The following OR51G2 variants were observed in gnomAD, a reference collection of about 807,000 sequenced individuals.
OR51G2 encodes the protein olfactory receptor 51G2.
Under a neutral mutation model 11.8 loss-of-function variants are expected in OR51G2, and 13 were observed. The ratio of observed to expected loss-of-function variants is 1.10; its 90% CI spans 0.72 to 1.76. OR51G2 has a LOEUF of 1.76. OR51G2 is among the 40% of genes most tolerant of loss of function. OR51G2 has a pLI of 0.00. For missense variants in OR51G2, 474 were observed against 394.4 expected, an observed-to-expected ratio of 1.20 and a Z score of -1.71; for synonymous variants, 178 against 151.9, an observed-to-expected ratio of 1.17 and a Z score of -1.26.
rs780419885 is a variant in OR51G2 at position 4,915,581 on chromosome 11, A to C, written c.83T>G (p.Met28Arg). 29 of 1,613,974 alleles carry C rather than the reference A, an allele frequency of 1.8e-5. No homozygotes were observed. Among genetic ancestry groups the C allele is most frequent in the Non-Finnish European group, 2.3e-5 (27 of 1,179,996 alleles). The change falls in exon 2 of 2, where the codon ATG becomes AGG. Residue 28 changes from methionine to arginine, a missense_variant. Met to Arg is a moderately conservative substitution (Grantham distance 91). Coordinates refer to ENST00000641926, the MANE Select transcript of OR51G2 (RefSeq NM_001005238.2). ...CAGTGGGATGGAGATCCAGATGTGC[A>C]TGCGCTCCAGCCCAGGGATGCCACT... ...LLSGIPGLER[M>R]HIWISIPLCF...
chr11:4,913,698 A>T lies in OR51G2; in HGVS notation c.*1021T>A, dbSNP rs1361798347. The T allele has an allele frequency of 6.6e-6, 1 of 152,174 alleles. No individual in the cohort carries two copies. The highest frequency in any genetic ancestry group is 1.5e-5 in the Non-Finnish European group (1 of 68,038). 9.4% of individuals were successfully genotyped at this position (152,174 alleles called of 1,614,324 possible). A position where few individuals can be genotyped will look rare whatever the true frequency, so the allele number is the denominator to read the frequency against. On this transcript the variant is annotated 3_prime_UTR_variant, in exon 2 of 2. Coordinates refer to ENST00000641926, the MANE Select transcript of OR51G2 (RefSeq NM_001005238.2). The stretch of plus-strand genomic sequence containing the variant: ...ACCTCATTTTTCTTAAACCTTCCTG[A>T]CATTCTAGAGAATAAAAATGGCAAC...
Position 4,913,377 on chromosome 11 carries a change from C to T in OR51G2, c.*1342G>A, listed in dbSNP as rs1851021886. The stretch of plus-strand genomic sequence containing the variant: ...GTAGAAGACATTGTGTTCAGCCACA[C>T]CCTTTCTTAATCTGCACTAAAACCA... On this transcript the variant is annotated 3_prime_UTR_variant, in exon 2 of 2. Transcript: ENST00000641926. The T allele has an allele frequency of 6.6e-6, 1 of 152,168 alleles. No individual in the cohort carries two copies. Among genetic ancestry groups the T allele is most frequent in the Non-Finnish European group, 1.5e-5 (1 of 68,046 alleles). The allele number at this position is 152,168 out of a possible 1,614,324, so 9.4% of individuals were successfully genotyped here.
chr11:4,916,777 T>A (rs1851100048), intron 1 of OR51G2, among the ~76,000 whole-genome samples: 1 of 152,148 alleles, frequency 6.6e-6, no homozygotes. Context: ...CTCCTGTCAA[T>A]CAGTAACCAG....
chr11:4,918,549 G>C (rs1851132896), intron 1 of OR51G2, among the ~76,000 whole-genome samples: 1 of 152,104 alleles, frequency 6.6e-6, no homozygotes, highest in Non-Finnish European at 1.5e-5. Flanking sequence ...CCTTTAGCCA[G>C]TTCGCCAGAG....
In OR51G2 at chr11:4,914,570, AGTGAG is replaced by A; in HGVS notation, c.*144_*148del. 1 of 614,822 alleles carries A rather than the reference AGTGAG, an allele frequency of 1.6e-6. No homozygotes were observed. The highest frequency in any genetic ancestry group is 2.8e-5 in the East Asian group (1 of 36,100). The allele number at this position is 614,822 out of a possible 1,614,324, so 38.1% of individuals were successfully genotyped here. Reference sequence around the variant, plus strand: ...CCCCCCCCTGCCCTGGCCACAACAGAGTGAGGGTTCTGTAAGGACTGTAACTCATC... The same window carrying A: ...CCCCCCCCTGCCCTGGCCACAACAGAGGTTCTGTAAGGACTGTAACTCATC... On this transcript the variant is annotated 3_prime_UTR_variant, in exon 2 of 2. Coordinates refer to ENST00000641926, the MANE Select transcript of OR51G2 (RefSeq NM_001005238.2).
rs1851147184 is a variant in OR51G2, at chr11:4,919,325, T to A, written c.-225A>T. 1 of 152,216 alleles carries A rather than the reference T, an allele frequency of 6.6e-6. No homozygotes were observed. The highest frequency in any genetic ancestry group is 2.4e-5 in the African/African-American group (1 of 41,448). 9.4% of individuals were successfully genotyped at this position (152,216 alleles called of 1,614,324 possible). ...CTGGCTACTATATGAACTCCTCGCATACCAAGGCTAAAAATAAAGGCCATG... is the reference window on the plus strand; with the variant it reads ...CTGGCTACTATATGAACTCCTCGCAAACCAAGGCTAAAAATAAAGGCCATG... On this transcript the variant is annotated 5_prime_UTR_variant, in exon 1 of 2. The change abolishes an upstream ATG in the 5' untranslated region. Transcript: ENST00000641926.
intron 1 of OR51G2, among the ~76,000 whole-genome samples, chr11:4,916,685 T>A (rs1357051361): frequency 1.3e-5 from 2 of 152,132 alleles, no homozygotes; most frequent in Admixed American, 6.6e-5. Flanking sequence ...CTTACAGAAT[T>A]CCAGAGAAAG....
Position 4,915,259 on chromosome 11 carries a change from C to A in OR51G2, c.405G>T (p.Leu135Phe). The A allele has an allele frequency of 1.2e-6, 2 of 1,613,904 alleles. No individual in the cohort carries two copies. Among genetic ancestry groups the A allele is most frequent in the Non-Finnish European group, 8.5e-7 (1 of 1,180,002 alleles). Reference protein sequence around the residue: ...FDRFVAICHPLHYVSILTNTV... With the variant: ...FDRFVAICHPFHYVSILTNTV... ...TGTTGGTGAGAATGGAAACATAGTG[C>A]AAGGGGTGGCAGATAGCCACAAAGC... Residue 135 changes from leucine to phenylalanine, a missense_variant, in exon 2 of 2, where the codon TTG becomes TTT. By Grantham distance (22) the Leu-to-Phe change is conservative (BLOSUM62 0). Transcript: ENST00000641926.
At chr11:4,916,312 G>A (rs1851090768) in intron 1 of OR51G2, among the ~76,000 whole-genome samples, 1 of 151,792 alleles carries the variant, frequency 6.6e-6, no homozygotes, top group Non-Finnish European at 1.5e-5. Context: ...CTTGCTCTCT[G>A]CTCCTTCAGA....
rs931096340 is a variant in OR51G2 at position 4,914,550 on chromosome 11, C to G, written c.*169G>C. Reference sequence around the variant, plus strand: ...CCACATCATATTACATTTTACCCCCCCCTGCCCTGGCCACAACAGAGTGAG... The same window carrying G: ...CCACATCATATTACATTTTACCCCCGCCTGCCCTGGCCACAACAGAGTGAG... On this transcript the variant is annotated 3_prime_UTR_variant, in exon 2 of 2. Coordinates refer to ENST00000641926, the MANE Select transcript of OR51G2 (RefSeq NM_001005238.2). The G allele has an allele frequency of 7.0e-6, 4 of 573,578 alleles. No homozygotes were observed. Among genetic ancestry groups the G allele is most frequent in the Non-Finnish European group, 9.3e-6 (3 of 323,308 alleles). The allele number at this position is 573,578 out of a possible 1,614,324, so 35.5% of individuals were successfully genotyped here.
rs1851017207 is a variant in OR51G2, at chr11:4,913,125, T to C, written c.*1594A>G. On this transcript the variant is annotated 3_prime_UTR_variant, in exon 2 of 2. Coordinates refer to ENST00000641926, the MANE Select transcript of OR51G2 (RefSeq NM_001005238.2). ...TTCGGGGTCTGTGTTACTCAAATGG[T>C]CATTCTCAACTTTGTGGCTAAATAA... 1 of 152,184 alleles carries C rather than the reference T, an allele frequency of 6.6e-6. No homozygotes were observed. Among genetic ancestry groups the C allele is most frequent in the Non-Finnish European group, 1.5e-5 (1 of 68,022 alleles). 9.4% of individuals were successfully genotyped at this position (152,184 alleles called of 1,614,324 possible).
intron 1 of OR51G2, 127 bp from the exon 2 acceptor site, chr11:4,915,866 T>C (rs1490217116): frequency 1.2e-5 from 6 of 504,280 alleles, no homozygotes; most frequent in Non-Finnish European, 2.1e-5. Flanking sequence ...TGTCTCATAG[T>C]TTCAATAAGA....
At chr11:4,918,980 A>T (rs965215738) in intron 1 of OR51G2, among the ~76,000 whole-genome samples, 197 bp downstream of exon 1, 1 of 152,228 alleles carries the variant, frequency 6.6e-6, no homozygotes, top group Non-Finnish European at 1.5e-5. Flanking sequence ...TGCCTGCATG[A>T]CAATTTTGCC....
intron 1 of OR51G2, among the ~76,000 whole-genome samples, chr11:4,917,468 T>C (rs1436582261): frequency 2.6e-5 from 4 of 152,222 alleles, no homozygotes; most frequent in Non-Finnish European, 5.9e-5. Flanking sequence ...TTGCTGATTC[T>C]TTAGCTGAAT....
intron 1 of OR51G2, among the ~76,000 whole-genome samples, chr11:4,917,151 G>GTT (rs11400118): frequency 9.9e-5 from 15 of 152,068 alleles, no homozygotes; most frequent in Middle Eastern, 3.4e-3. Flanking sequence ...TGCCAAGAAT[G>GTT]TTTTTTTGCA....
At chr11:4,918,628 T>C (rs1851134371) in intron 1 of OR51G2, among the ~76,000 whole-genome samples, 1 of 152,210 alleles carries the variant, frequency 6.6e-6, no homozygotes. Flanking sequence ...TTAGCAGTTT[T>C]GGTAAGGACT....
Position 4,915,443 on chromosome 11 carries a change from A to C in OR51G2, c.221T>G (p.Ile74Ser), listed in dbSNP as rs1259170915. 6.2e-7 allele frequency: 1 copy of C among 1,614,126 alleles called. No individual in the cohort carries two copies. Among genetic ancestry groups the C allele is most frequent in the Admixed American group, 1.7e-5 (1 of 60,020 alleles). ...AGTGCAAAGGGAGAGACCCAGGTCA[A>C]TCAGAGCCAGCATGGACAGGAAGAG... Reference protein sequence around the residue: ...MYLFLSMLALIDLGLSLCTLP... With the variant: ...MYLFLSMLALSDLGLSLCTLP... The change falls in exon 2 of 2, where the codon ATT becomes AGT. Residue 74 changes from isoleucine (I) to serine (S), a missense_variant. Physicochemically the swap from Ile to Ser is moderately radical, Grantham distance 142 (BLOSUM62 -2). Coordinates refer to ENST00000641926, the MANE Select transcript of OR51G2 (RefSeq NM_001005238.2).
Position 4,915,549 on chromosome 11 carries a change from T to C in OR51G2, c.115A>G (p.Met39Val), listed in dbSNP as rs1358118905. 1.2e-6 allele frequency: 2 copies of C among 1,614,028 alleles called. No homozygotes were observed. The highest frequency in any genetic ancestry group is 1.3e-5 in the African/African-American group (1 of 74,982). ...TTGCCCGGGATGGAAACCAGATACA[T>C]GAAGCACAGTGGGATGGAGATCCAG... ...HIWISIPLCF[M>V]YLVSIPGNCT... The change falls in exon 2 of 2, where the codon ATG becomes GTG. Residue 39 changes from methionine (M) to valine (V), a missense_variant. By Grantham distance (21) the Met-to-Val change is conservative. Coordinates refer to ENST00000641926, the MANE Select transcript of OR51G2 (RefSeq NM_001005238.2).
chr11:4,914,903 A>C lies in OR51G2; in HGVS notation c.761T>G (p.Leu254Arg), dbSNP rs370284259. The C allele has an allele frequency of 6.2e-7, 1 of 1,614,056 alleles. No homozygotes were observed. Among genetic ancestry groups the C allele is most frequent in the African/African-American group, 1.3e-5 (1 of 74,926 alleles). The change falls in exon 2 of 2, where the codon CTG becomes CGG. Residue 254 changes from leucine (L) to arginine (R), a missense_variant. Transcript: ENST00000641926. ...GCCAATCATGGGAGTGTAGAAGAGC[A>C]GCACAGCACAGATGTGGGAAACACA... ...NTCVSHICAVLLFYTPMIGLS... is the reference protein window; with the variant it reads ...NTCVSHICAVRLFYTPMIGLS...
Sources: allele counts gnomAD v4.1 joint callset (sites outside exome capture counted in the v4.1 genomes callset), GRCh38; gene constraint gnomAD v4.1.1; transcripts MANE v1.5; gene names NCBI Gene and HGNC (gene_info 2026-07-23, HGNC 2026-07-21).